PCDHGB7: variants seen among roughly 807,000 people sequenced by gnomAD.
PCDHGB7 encodes protocadherin gamma subfamily B, 7, also known as protocadherin gamma-B7.
A neutral mutation model predicts 61.4 loss-of-function variants in PCDHGB7; 37 were observed. The observed-to-expected ratio is 0.60, with a 90% CI of 0.46 to 0.79. The LOEUF (loss-of-function observed/expected upper bound fraction) is 0.79. Among genes scored for constraint, PCDHGB7 ranks in the 30% least tolerant of loss-of-function variants. PCDHGB7 has a pLI of 0.00. For missense variants in PCDHGB7, 1,166 were observed against 1,202.5 expected (o/e 0.97, Z 0.45); for synonymous variants, 464 against 503.5 (o/e 0.92, Z 1.05).
At position 141,440,639 on chromosome 5, in the gene PCDHGB7, T is replaced by C. The variant is rs2098191350; in HGVS notation, c.2415+20365T>C. On this transcript the variant is annotated intron_variant, in intron 1 of 3. Coordinates refer to ENST00000398594, the MANE Select transcript of PCDHGB7 (RefSeq NM_018927.4). ...GATCCTGATGTTGAGAGAAATTCCT[T>C]ACAAAATTATCACCTTAGCAGCAAC... 2 of 152,192 alleles carry C rather than the reference T, an allele frequency of 1.3e-5. 1 individual carries two copies. The highest frequency in any genetic ancestry group is 4.8e-5 in the African/African-American group (2 of 41,440). The allele number at this position is 152,192 out of a possible 1,614,324, so 9.4% of individuals were successfully genotyped here.
At position 141,469,305 on chromosome 5, in the gene PCDHGB7, G is replaced by A. The variant is rs990437808; in HGVS notation, c.2416-25502G>A. Among the ~76,000 whole-genome samples the A allele has an allele frequency of 3.9e-5, 6 of 152,192 alleles. No homozygotes were observed. The South Asian group carries it at 6.2e-4, about 16-fold the overall frequency. On this transcript the variant is annotated intron_variant, in intron 1 of 3. Transcript: ENST00000398594. ...AAATAAAACAAAATAGACTGGGCACGATGGCTCACGCCTGTAATCCCACCA... is the reference window on the plus strand; with the variant it reads ...AAATAAAACAAAATAGACTGGGCACAATGGCTCACGCCTGTAATCCCACCA...
At chr5:141,478,644 T>G in intron 1 of PCDHGB7, 1 of 1,552,238 alleles carries the variant, frequency 6.4e-7, no homozygotes, top group South Asian at 1.2e-5. Context: ...GATGAAGATG[T>G]TTTCCTGGTG....
rs757924501 is a variant in PCDHGB7, at chr5:141,490,548, A to G, written c.2416-4259A>G. 1.2e-6 allele frequency: 2 copies of G among 1,614,084 alleles called. No individual in the cohort carries two copies. Among genetic ancestry groups the G allele is most frequent in the South Asian group, 2.2e-5 (2 of 91,080 alleles). ...ATGCTGGTTCACCTTCCCTACACAA[A>G]CATCTCACCATCAGGCTCAACATTT... On this transcript the variant is annotated intron_variant, in intron 1 of 3. Transcript: ENST00000398594. This position sits in a 1 kb window ranked among gnomAD's most constrained non-coding sequence, Gnocchi z 5.4.
At chr5:141,448,887 G>T (rs1160586933) in intron 1 of PCDHGB7, among the ~76,000 whole-genome samples, 1 of 152,172 alleles carries the variant, frequency 6.6e-6, no homozygotes, top group East Asian at 1.9e-4. Flanking sequence ...GGAGCTTGCA[G>T]TGAGCCGAGA....
rs1477077191 is a variant in PCDHGB7, at chr5:141,427,802, C to T, written c.2415+7528C>T. 7.3e-6 allele frequency: 11 copies of T among 1,510,148 alleles called. No individual in the cohort carries two copies. In the South Asian group the frequency reaches 9.0e-5, roughly 12 times the overall value. The allele number at this position is 1,510,148 out of a possible 1,614,324, so 93.5% of individuals were successfully genotyped here. A position where few individuals can be genotyped will look rare whatever the true frequency, so the allele number is the denominator to read the frequency against. On this transcript the variant is annotated intron_variant, in intron 1 of 3. Transcript: ENST00000398594. ...CACTGTCGTCCTACGTGTCCGTGAG[C>T]GCACAGAGCGGGGTGGTGGTCGCGC... is the stretch of plus-strand genomic sequence containing the variant.
intron 1 of PCDHGB7, among the ~76,000 whole-genome samples, chr5:141,447,761 T>C (rs2098551051): frequency 1.3e-5 from 2 of 152,186 alleles, no homozygotes; most frequent in African/African-American, 4.8e-5. Context: ...TGACTGTATA[T>C]AAATTATACT....
At position 141,510,839 on chromosome 5, in the gene PCDHGB7, C is replaced by G. The variant is rs186647886; in HGVS notation, c.2564-108C>G. The stretch of plus-strand genomic sequence containing the variant: ...CTATATTCCCAGTGCTCAGCGTGGT[C>G]AAGGCCCAGGGTGCTGTATAGGCAT... On this transcript the variant is annotated intron_variant, in intron 3 of 3. Coordinates refer to ENST00000398594, the MANE Select transcript of PCDHGB7 (RefSeq NM_018927.4). The G allele has an allele frequency of 6.5e-5, 103 of 1,587,108 alleles. No individual in the cohort carries two copies. The East Asian group carries it at 1.6e-3, about 25-fold the overall frequency.
intron 1 of PCDHGB7, chr5:141,478,623 G>GT (rs1337268572): frequency 1.3e-5 from 20 of 1,554,356 alleles, no homozygotes; most frequent in Admixed American, 3.9e-5. Flanking sequence ...GAATGGAGCT[G>GT]TTTTTTTAGT....
At chr5:141,458,359 A>C (rs2098943826) in intron 1 of PCDHGB7, among the ~76,000 whole-genome samples, 1 of 152,142 alleles carries the variant, frequency 6.6e-6, no homozygotes, top group Non-Finnish European at 1.5e-5. Context: ...AATAAGCAAG[A>C]AGGAAGGGAG....
intron 2 of PCDHGB7, among the ~76,000 whole-genome samples, chr5:141,500,381 T>G (rs1013284512): frequency 7.2e-5 from 11 of 151,786 alleles, no homozygotes; most frequent in African/African-American, 2.7e-4. Flanking sequence ...GCTAATTATT[T>G]TGTATTTTTA....
At chr5:141,497,209 TG>T (rs11343387) in intron 2 of PCDHGB7, among the ~76,000 whole-genome samples, 90,704 of 151,262 alleles carry the variant, frequency 0.6, 29,397 homozygotes, top group African/African-American at 0.86. Context: ...GTGAGTGTAA[TG>T]GGGGGGGGAA....
intron 1 of PCDHGB7, among the ~76,000 whole-genome samples, chr5:141,445,923 T>C (rs1169404585): frequency 6.6e-6 from 1 of 152,200 alleles, no homozygotes; most frequent in Non-Finnish European, 1.5e-5. Context: ...AGTGACAAGA[T>C]ATTTGAATTA....
chr5:141,460,275 A>G (rs2154566824), intron 1 of PCDHGB7, among the ~76,000 whole-genome samples: 1 of 152,098 alleles, frequency 6.6e-6, no homozygotes, highest in East Asian at 1.9e-4. Context: ...TTTTTCTTTT[A>G]TAGTTTGTAT....
At chr5:141,422,929 C>A (rs752323344) in intron 1 of PCDHGB7, 8 of 1,614,260 alleles carry the variant, frequency 5.0e-6, no homozygotes, top group Middle Eastern at 3.3e-4. Flanking sequence ...GTACCCTGCC[C>A]TCCCCACAGA....
intron 1 of PCDHGB7, among the ~76,000 whole-genome samples, chr5:141,464,019 C>A (rs1285414825): frequency 2.0e-5 from 3 of 151,984 alleles, no homozygotes; most frequent in African/African-American, 4.8e-5. Context: ...TAATCCCACA[C>A]TTTGGGAGGC....
chr5:141,492,023 C>A, intron 1 of PCDHGB7: 1 of 564,804 alleles, frequency 1.8e-6, no homozygotes, highest in Non-Finnish European at 3.0e-6. Context: ...TCGGGGGTCC[C>A]GGGAGGAGGC....
chr5:141,433,223 T>C lies in PCDHGB7; in HGVS notation c.2415+12949T>C, dbSNP rs2097577369. On this transcript the variant is annotated intron_variant, in intron 1 of 3. Coordinates refer to ENST00000398594, the MANE Select transcript of PCDHGB7 (RefSeq NM_018927.4). The stretch of plus-strand genomic sequence containing the variant: ...AATCTTCTTTCTTTTTTTTTTTTAA[T>C]TGCTCTGTCTCCCAAGCTGGAATGC... The C allele has an allele frequency of 4.6e-6, 7 of 1,525,952 alleles. No individual in the cohort carries two copies. In the East Asian group the frequency reaches 1.6e-4, roughly 34 times the overall value. The allele number at this position is 1,525,952 out of a possible 1,614,324, so 94.5% of individuals were successfully genotyped here. A position where few individuals can be genotyped will look rare whatever the true frequency, so the allele number is the denominator to read the frequency against.
chr5:141,493,140 C>T lies in PCDHGB7; in HGVS notation c.2416-1667C>T, dbSNP rs2099746336. Among the ~76,000 whole-genome samples, 1 of 146,374 alleles carries T rather than the reference C, an allele frequency of 6.8e-6. No homozygotes were observed. Among genetic ancestry groups the T allele is most frequent in the African/African-American group, 2.5e-5 (1 of 40,746 alleles). ...GCTCCTAGGACTGTATTTTGAAACACCCCCAGGTGATTTTGATAGCTGATT... is the reference window on the plus strand; with the variant it reads ...GCTCCTAGGACTGTATTTTGAAACATCCCCAGGTGATTTTGATAGCTGATT... On this transcript the variant is annotated intron_variant, in intron 1 of 3. Transcript: ENST00000398594. This position sits in a 1 kb window ranked among gnomAD's most constrained non-coding sequence, Gnocchi z 4.3.
intron 1 of PCDHGB7, among the ~76,000 whole-genome samples, chr5:141,455,419 G>A (rs1462099602): frequency 6.6e-6 from 1 of 152,124 alleles, no homozygotes; most frequent in Non-Finnish European, 1.5e-5. Context: ...AGGGAGCGGG[G>A]CTCCAAAAGA....
Sources: gnomAD v4.1 joint callset for allele counts (sites outside exome capture counted in the v4.1 genomes callset) on GRCh38, gnomAD v4.1.1 for gene constraint, Gnocchi (gnomAD v3.1) non-coding constraint, MANE v1.5 for transcripts, NCBI Gene and HGNC (gene_info 2026-07-23, HGNC 2026-07-21) for gene names.